PARD3B: variants seen among roughly 807,000 people sequenced by gnomAD.
The protein encoded by PARD3B is partitioning defective 3 homolog B.
Under a neutral mutation model 130.2 loss-of-function variants are expected in PARD3B, and 103 were observed. That is an observed-to-expected ratio of 0.79 (90% confidence interval 0.67 to 0.93). PARD3B has a LOEUF of 0.93. PARD3B is among the 40% of genes least tolerant of loss of function. The pLI is 0.00. For missense variants in PARD3B, 1,609 were observed against 1,499.2 expected (o/e 1.07, Z -1.21); for synonymous variants, 583 against 553.2 (o/e 1.05, Z -0.76).
chr2:205,271,084 T>C (rs2040707476), intron 16 of PARD3B, among the ~76,000 whole-genome samples: 1 of 152,204 alleles, frequency 6.6e-6, no homozygotes, highest in Non-Finnish European at 1.5e-5. Flanking sequence ...TTACCATTTA[T>C]TACATTACTC....
intron 1 of PARD3B, among the ~76,000 whole-genome samples, chr2:204,618,511 A>C (rs1403538562): frequency 1.3e-5 from 2 of 152,226 alleles, no homozygotes; most frequent in Non-Finnish European, 2.9e-5. Context: ...CATGTCCACA[A>C]CTGCAACAGT....
chr2:204,802,647 A>G (rs2042613042), intron 2 of PARD3B, among the ~76,000 whole-genome samples: 1 of 152,194 alleles, frequency 6.6e-6, no homozygotes, highest in Admixed American at 6.5e-5. Context: ...TACACCATAG[A>G]CTACTATGCA....
intron 2 of PARD3B, among the ~76,000 whole-genome samples, chr2:204,745,315 T>C (rs1453692045): frequency 6.6e-6 from 1 of 152,134 alleles, no homozygotes; most frequent in Non-Finnish European, 1.5e-5. Flanking sequence ...GCTAACTTTC[T>C]AGGACTACCT....
At chr2:205,374,525 G>A (rs927438255) in intron 18 of PARD3B, among the ~76,000 whole-genome samples, 13 of 152,160 alleles carry the variant, frequency 8.5e-5, no homozygotes, top group Admixed American at 3.9e-4. Context: ...GAGCCACTGC[G>A]TCCGGCCCAA....
rs2035113278 is a variant in PARD3B at position 204,642,518 on chromosome 2, G to C, written c.121-43663G>C. On this transcript the variant is annotated intron_variant, in intron 1 of 22. Transcript: ENST00000406610. Reference sequence around the variant, plus strand: ...TTTTAGAATTGGTTTCATGATGCTAGGGACATTTCTGATTTCTGTCCATGG... The same window carrying C: ...TTTTAGAATTGGTTTCATGATGCTACGGACATTTCTGATTTCTGTCCATGG... Among the ~76,000 whole-genome samples, 6 of 152,104 alleles carry C rather than the reference G, an allele frequency of 3.9e-5. No individual in the cohort carries two copies. The South Asian group carries it at 1.2e-3, about 32-fold the overall frequency.
chr2:205,319,465 G>C (rs12464755), intron 18 of PARD3B, among the ~76,000 whole-genome samples: 84,871 of 152,062 alleles, frequency 0.56, 27,213 homozygotes, highest in South Asian at 0.75. Flanking sequence ...TATCTTATCT[G>C]ACTTTAAAGT....
chr2:205,510,447 C>A (rs547799470), intron 21 of PARD3B, among the ~76,000 whole-genome samples: 1 of 152,284 alleles, frequency 6.6e-6, no homozygotes, highest in South Asian at 2.1e-4. Flanking sequence ...CTCTGGTTAC[C>A]ACTGAGATGC....
chr2:205,498,231 G>C (rs545064517), intron 20 of PARD3B, among the ~76,000 whole-genome samples: 1 of 149,810 alleles, frequency 6.7e-6, no homozygotes, highest in Non-Finnish European at 1.5e-5. Flanking sequence ...GCCAGGCGTG[G>C]TGGCTCACGC....
intron 18 of PARD3B, among the ~76,000 whole-genome samples, chr2:205,348,845 G>A (rs935060967): frequency 2.2e-4 from 33 of 150,978 alleles, no homozygotes; most frequent in African/African-American, 7.7e-4. Context: ...CACTGGAATA[G>A]ATACAAAATA....
intron 1 of PARD3B, among the ~76,000 whole-genome samples, chr2:204,627,414 G>A (rs943614480): frequency 6.6e-5 from 10 of 152,040 alleles, no homozygotes; most frequent in Non-Finnish European, 1.2e-4. Flanking sequence ...CATATCTTAT[G>A]TGTACATTAG....
Position 205,615,626 on chromosome 2 carries a change from C to G in PARD3B, c.3431C>G (p.Pro1144Arg), listed in dbSNP as rs777816262. The G allele has an allele frequency of 6.2e-7, 1 of 1,614,066 alleles. No individual in the cohort carries two copies. The highest frequency in any genetic ancestry group is 1.1e-5 in the South Asian group (1 of 91,072). ...GATCTCCGGTATCCTCAGCACTACC[C>G]ACCCCCGCCAGCTCCCCAGCACAAA... ...VADLRYPQHYPPPPAPQHKGP... is the reference protein window; with the variant it reads ...VADLRYPQHYRPPPAPQHKGP... The change falls in exon 23 of 23, where the codon CCA becomes CGA. Residue 1144 changes from proline (P) to arginine (R), a missense_variant. By Grantham distance (103) the Pro-to-Arg change is moderately radical. Coordinates refer to ENST00000406610, the MANE Select transcript of PARD3B (RefSeq NM_001302769.2).
chr2:204,955,417 C>T (rs549547889), intron 2 of PARD3B, among the ~76,000 whole-genome samples: 1 of 152,244 alleles, frequency 6.6e-6, no homozygotes, highest in South Asian at 2.1e-4. Flanking sequence ...TGCATAGGAA[C>T]GTATGTGGCA....
intron 21 of PARD3B, among the ~76,000 whole-genome samples, chr2:205,508,293 C>T (rs1305812081): frequency 2.0e-5 from 3 of 152,094 alleles, no homozygotes; most frequent in Non-Finnish European, 4.4e-5. Flanking sequence ...TGTATCCAGG[C>T]CAGGAGGGGT....
At position 205,091,146 on chromosome 2, in the gene PARD3B, AT is replaced by A. The variant is rs1702081794; in HGVS notation, c.505-13277del. ...TGTCTATGCAGGGTTAGCGGAAGAG[AT>A]TTAAGCATTAGAGGCTGAAGTTTTT... On this transcript the variant is annotated intron_variant, in intron 4 of 22. Transcript: ENST00000406610. This position sits in a 1 kb window ranked among gnomAD's most constrained non-coding sequence, Gnocchi z 4.2. Among the ~76,000 whole-genome samples, 1 of 152,174 alleles carries A rather than the reference AT, an allele frequency of 6.6e-6. No homozygotes were observed. The highest frequency in any genetic ancestry group is 1.5e-5 in the Non-Finnish European group (1 of 68,034).
intron 2 of PARD3B, among the ~76,000 whole-genome samples, chr2:204,951,767 G>A (rs1689793964): frequency 1.3e-5 from 2 of 152,180 alleles, no homozygotes; most frequent in Non-Finnish European, 2.9e-5. Flanking sequence ...TGGTTAGAAA[G>A]CAAGCAGTCA....
At chr2:205,365,200 CAAAAA>C (rs34761577) in intron 18 of PARD3B, among the ~76,000 whole-genome samples, 2 of 127,830 alleles carry the variant, frequency 1.6e-5, no homozygotes, top group African/African-American at 3.1e-5. Context: ...AACTCCGTGT[CAAAAA>C]AAAAAAAAAA....
In PARD3B at chr2:205,078,203, G is replaced by A. The variant is rs948077343; in HGVS notation, c.505-26223G>A. Among the ~76,000 whole-genome samples, 14 of 152,160 alleles carry A rather than the reference G, an allele frequency of 9.2e-5. No individual in the cohort carries two copies. The highest frequency in any genetic ancestry group is 3.4e-4 in the African/African-American group (14 of 41,434). ...TAAATGTTTAACCTGAGCTAATTAG[G>A]AGCCTTGAGAATTTTAGTTAGCAAG... On this transcript the variant is annotated intron_variant, in intron 4 of 22. Coordinates refer to ENST00000406610, the MANE Select transcript of PARD3B (RefSeq NM_001302769.2). This position sits in a 1 kb window ranked among gnomAD's most constrained non-coding sequence, Gnocchi z 4.0.
chr2:205,446,187 C>T lies in PARD3B; in HGVS notation c.3044+5515C>T, dbSNP rs1360352260. Among the ~76,000 whole-genome samples, 1 of 152,036 alleles carries T rather than the reference C, an allele frequency of 6.6e-6. No homozygotes were observed. Among genetic ancestry groups the T allele is most frequent in the Non-Finnish European group, 1.5e-5 (1 of 68,002 alleles). On this transcript the variant is annotated intron_variant, in intron 20 of 22. Coordinates refer to ENST00000406610, the MANE Select transcript of PARD3B (RefSeq NM_001302769.2). This position sits in a 1 kb window ranked among gnomAD's most constrained non-coding sequence, Gnocchi z 4.4. The stretch of plus-strand genomic sequence containing the variant: ...GGGAGGGGTAAATGGAAAGAGAGAA[C>T]ATGGGATGGCCTCAGAGCTGACCAA...
At chr2:204,847,599 G>C (rs1044117428) in intron 2 of PARD3B, among the ~76,000 whole-genome samples, 1 of 152,138 alleles carries the variant, frequency 6.6e-6, no homozygotes, top group Non-Finnish European at 1.5e-5. Flanking sequence ...CCTGGAGCGT[G>C]AATCATCCTT....
Sources: gnomAD v4.1 joint callset for allele counts (sites outside exome capture counted in the v4.1 genomes callset) on GRCh38, gnomAD v4.1.1 for gene constraint, Gnocchi (gnomAD v3.1) non-coding constraint, MANE v1.5 for transcripts, NCBI Gene and HGNC (gene_info 2026-07-23, HGNC 2026-07-21) for gene names.